The following DBT variants were observed in gnomAD, a reference collection of about 807,000 sequenced individuals.
The protein encoded by DBT is dihydrolipoamide branched chain transacylase E2.
In DBT, 40 loss-of-function variants were observed where a neutral mutation model predicts 51.3. The ratio of observed to expected loss-of-function variants is 0.78; its 90% CI spans 0.61 to 1.02. The LOEUF (loss-of-function observed/expected upper bound fraction) is 1.02. DBT is among the 50% of genes least tolerant of loss of function. The pLI, the probability that DBT is intolerant of heterozygous loss-of-function variation, is 0.00. For synonymous variants in DBT, 181 were observed against 190.4 expected (o/e 0.95, Z 0.41); for missense variants, 510 against 580.2 (o/e 0.88, Z 1.24).
At chr1:100,213,482 G>A (rs1443342891) in intron 7 of DBT, 7 of 1,546,054 alleles carry the variant, frequency 4.5e-6, no homozygotes, top group African/African-American at 4.1e-5. Context: ...CAGCTGGACC[G>A]TCATCCGCTA....
intron 3 of DBT, among the ~76,000 whole-genome samples, chr1:100,231,747 C>G (rs772908775): frequency 7.2e-5 from 11 of 152,060 alleles, no homozygotes; most frequent in Non-Finnish European, 1.6e-4. Context: ...AAGTACAGTG[C>G]CAAAAGTTGT....
chr1:100,230,221 C>G (rs750025858), intron 4 of DBT, among the ~76,000 whole-genome samples: 3 of 152,168 alleles, frequency 2.0e-5, no homozygotes, highest in Non-Finnish European at 2.9e-5. Context: ...TGAAGTGTTA[C>G]TGTACACATT....
At chr1:100,240,546 A>T (rs1243298078) in intron 2 of DBT, among the ~76,000 whole-genome samples, 1 of 152,240 alleles carries the variant, frequency 6.6e-6, no homozygotes, top group Non-Finnish European at 1.5e-5. Flanking sequence ...AATTTTTTTT[A>T]AAAAGGGGTG....
chr1:100,206,549 C>A lies in DBT; in HGVS notation c.1105G>T (p.Asp369Tyr), dbSNP rs558034439. The A allele has an allele frequency of 6.2e-7, 1 of 1,611,908 alleles. No individual in the cohort carries two copies. Among genetic ancestry groups the A allele is most frequent in the African/African-American group, 1.3e-5 (1 of 74,966 alleles). ...VKNVQICSIF[D>Y]IATELNRLQK... The stretch of plus-strand genomic sequence containing the variant: ...AGGCGGTTCAGTTCAGTGGCGATGT[C>A]AAATATAGAGCAGATCTGAACATTT... Residue 369 changes from aspartate to tyrosine, a missense_variant, in exon 9 of 11, where the codon GAC (aspartate) becomes TAC (tyrosine). Physicochemically the swap from Asp to Tyr is radical, Grantham distance 160. Coordinates refer to ENST00000370132, the MANE Select transcript of DBT (RefSeq NM_001918.5).
At chr1:100,242,626 A>G (rs1379012191) in intron 1 of DBT, among the ~76,000 whole-genome samples, 1 of 152,208 alleles carries the variant, frequency 6.6e-6, no homozygotes, top group Admixed American at 6.5e-5. Flanking sequence ...CCAGAAGACA[A>G]TAAAAGAATT....
intron 3 of DBT, among the ~76,000 whole-genome samples, chr1:100,231,794 A>G (rs1031977339): frequency 6.6e-6 from 1 of 152,246 alleles, no homozygotes; most frequent in Non-Finnish European, 1.5e-5. Flanking sequence ...GAAATCAAAA[A>G]AAGGCTTGCA....
At position 100,214,565 on chromosome 1, in the gene DBT, A is replaced by G. The variant is rs1662370442; in HGVS notation, c.939+252T>C. Reference sequence around the variant, plus strand: ...AGGTCAGGAGTTCAAGACCAGCCTGACCAACATGGCGAAACCACGTGTCTA... The same window carrying G: ...AGGTCAGGAGTTCAAGACCAGCCTGGCCAACATGGCGAAACCACGTGTCTA... On this transcript the variant is annotated intron_variant, in intron 7 of 10. Coordinates refer to ENST00000370132, the MANE Select transcript of DBT (RefSeq NM_001918.5). Among the ~76,000 whole-genome samples, 4 of 152,048 alleles carry G rather than the reference A, an allele frequency of 2.6e-5. No individual in the cohort carries two copies. In the South Asian group the frequency reaches 8.3e-4, roughly 32 times the overall value.
chr1:100,212,351 G>A (rs749847961), intron 7 of DBT, among the ~76,000 whole-genome samples: 22 of 151,860 alleles, frequency 1.4e-4, no homozygotes, highest in Non-Finnish European at 2.4e-4. Context: ...AGCCTGGGCA[G>A]CACTGCGAGA....
chr1:100,211,823 G>A lies in DBT; in HGVS notation c.940-1052C>T, dbSNP rs1570812427. Among the ~76,000 whole-genome samples the A allele has an allele frequency of 5.3e-5, 8 of 152,300 alleles. No individual in the cohort carries two copies. The South Asian group carries it at 1.4e-3, about 28-fold the overall frequency. On this transcript the variant is annotated intron_variant, in intron 7 of 10. Coordinates refer to ENST00000370132, the MANE Select transcript of DBT (RefSeq NM_001918.5). ...GTCTTTCTTTGTCACCTAGGCTGCAGTGCAGTGGCATGATCTCAGCTCACT... is the reference window on the plus strand; with the variant it reads ...GTCTTTCTTTGTCACCTAGGCTGCAATGCAGTGGCATGATCTCAGCTCACT...
At chr1:100,223,111 C>G (rs993458516) in intron 4 of DBT, among the ~76,000 whole-genome samples, 1 of 152,144 alleles carries the variant, frequency 6.6e-6, no homozygotes, top group Non-Finnish European at 1.5e-5. Context: ...GGTGAATGTT[C>G]ATAACATGTC....
chr1:100,248,112 A>G (rs1396936962), intron 1 of DBT, among the ~76,000 whole-genome samples: 1 of 151,936 alleles, frequency 6.6e-6, no homozygotes, highest in African/African-American at 2.4e-5. Flanking sequence ...AAAAAAAAAA[A>G]AAAAAAAGAC....
At chr1:100,244,726 T>A (rs1664440422) in intron 1 of DBT, among the ~76,000 whole-genome samples, 1 of 151,996 alleles carries the variant, frequency 6.6e-6, no homozygotes, top group Non-Finnish European at 1.5e-5. Flanking sequence ...TAATAATAAC[T>A]GATAATAAAA....
At chr1:100,243,798 A>G (rs145010801) in intron 1 of DBT, among the ~76,000 whole-genome samples, 191 of 152,306 alleles carry the variant, frequency 1.3e-3, no homozygotes, top group Non-Finnish European at 2.4e-3. Flanking sequence ...TAGAAATAGG[A>G]GAAATAATCC....
chr1:100,216,600 C>G (rs2100800705), intron 5 of DBT, among the ~76,000 whole-genome samples: 1 of 152,250 alleles, frequency 6.6e-6, no homozygotes, highest in South Asian at 2.1e-4. Context: ...TTTTTATACT[C>G]AAGTATTTTA....
intron 4 of DBT, among the ~76,000 whole-genome samples, chr1:100,228,485 A>G (rs4908047): frequency 0.79 from 120,375 of 151,712 alleles, 49,121 homozygotes; most frequent in East Asian, 0.95. Flanking sequence ...TAGGCCAGGC[A>G]TGGTGGCTCA....
chr1:100,242,317 A>T (rs907608901), intron 1 of DBT, among the ~76,000 whole-genome samples: 7 of 152,164 alleles, frequency 4.6e-5, no homozygotes, highest in Non-Finnish European at 8.8e-5. Context: ...TTTATAAACT[A>T]GAATTTTTGT....
intron 1 of DBT, 34 bp from the exon 2 acceptor site, chr1:100,240,918 A>G (rs1557961311): frequency 1.2e-6 from 2 of 1,603,046 alleles, no homozygotes; most frequent in East Asian, 4.5e-5. Flanking sequence ...AAAAGCATTT[A>G]TAAACAACCA....
intron 10 of DBT, among the ~76,000 whole-genome samples, chr1:100,198,878 T>G (rs1046244763): frequency 1.4e-4 from 21 of 152,278 alleles, no homozygotes; most frequent in African/African-American, 4.6e-4. Context: ...AGGAATAAAC[T>G]CATGAGGACA....
At chr1:100,204,347 T>A (rs1051631580) in intron 10 of DBT, among the ~76,000 whole-genome samples, 1 of 152,140 alleles carries the variant, frequency 6.6e-6, no homozygotes, top group African/African-American at 2.4e-5. Flanking sequence ...GAAACTCCCA[T>A]TCACAATTGC....
Sources: gnomAD v4.1 joint callset for allele counts (sites outside exome capture counted in the v4.1 genomes callset) on GRCh38, gnomAD v4.1.1 for gene constraint, MANE v1.5 for transcripts, NCBI Gene and HGNC (gene_info 2026-07-23, HGNC 2026-07-21) for gene names.